MELK: variants seen among roughly 807,000 people sequenced by gnomAD.
MELK encodes the protein pEg3 kinase.
A neutral mutation model predicts 85.0 loss-of-function variants in MELK; 81 were observed. That is an observed-to-expected ratio of 0.95 (90% CI 0.80 to 1.15). The LOEUF is 1.15. Ranked by LOEUF, MELK falls within the 50% of genes most tolerant of loss-of-function variation. The pLI is 0.00. For synonymous variants in MELK, 252 were observed against 265.0 expected (o/e 0.95, Z 0.48); for missense variants, 754 against 777.5 (o/e 0.97, Z 0.36).
At chr9:36,644,212 TGTGTG>T (rs1830025769) in intron 11 of MELK, among the ~76,000 whole-genome samples, 8 of 1,978 alleles carry the variant, frequency 4.0e-3, no homozygotes, top group East Asian at 0.17. Context: ...CTGTGTTTTG[TGTGTG>T]TGTGTGTGTG....
In MELK at chr9:36,625,881, G is replaced by A. The variant is rs767272873; in HGVS notation, c.667-4418G>A. On this transcript the variant is annotated intron_variant, in intron 8 of 17. Transcript: ENST00000298048. ...GGTTGCAGTGAGCGAAGATTGTGCC[G>A]TGAGACTTCATCTCAAAAAAAAAAA... Among the ~76,000 whole-genome samples the A allele has an allele frequency of 7.4e-5, 11 of 149,530 alleles. No homozygotes were observed. In the East Asian group the frequency reaches 7.8e-4, roughly 11 times the overall value.
At chr9:36,645,527 T>G (rs1175059754) in intron 11 of MELK, among the ~76,000 whole-genome samples, 1 of 152,130 alleles carries the variant, frequency 6.6e-6, no homozygotes, top group Admixed American at 6.6e-5. Flanking sequence ...AAAGTAATAG[T>G]TTTTCTTCCT....
chr9:36,652,042 A>ATTTTTTTTTTTTTTT (rs11465173), intron 12 of MELK, among the ~76,000 whole-genome samples, 165 bp downstream of exon 12: 1 of 91,392 alleles, frequency 1.1e-5, no homozygotes, highest in Admixed American at 1.5e-4. Context: ...TTGAACTCTA[A>ATTTTTTTTTTTTTTT]TTTTTTTTTT....
chr9:36,645,308 A>G (rs1230582191), intron 11 of MELK, among the ~76,000 whole-genome samples: 3 of 151,850 alleles, frequency 2.0e-5, no homozygotes, highest in Non-Finnish European at 4.4e-5. Flanking sequence ...AATCATTGAA[A>G]AAGTCTTTAA....
At chr9:36,673,293 C>A (rs79339189) in intron 16 of MELK, among the ~76,000 whole-genome samples, 1 of 152,124 alleles carries the variant, frequency 6.6e-6, no homozygotes. Context: ...CTCAGTTTCA[C>A]GACATTTGCT....
chr9:36,580,791 C>T (rs1385458274), intron 1 of MELK, among the ~76,000 whole-genome samples: 6 of 150,660 alleles, frequency 4.0e-5, no homozygotes, highest in South Asian at 2.1e-4. Flanking sequence ...TGCAATGGCA[C>T]GATGTCGGCT....
At chr9:36,575,065 G>A (rs942044468) in intron 1 of MELK, among the ~76,000 whole-genome samples, 4 of 152,148 alleles carry the variant, frequency 2.6e-5, no homozygotes, top group East Asian at 1.9e-4. Flanking sequence ...CTCAGAGGGC[G>A]GAGGTTGCAG....
At chr9:36,576,044 C>T (rs1182982612) in intron 1 of MELK, among the ~76,000 whole-genome samples, 1 of 152,184 alleles carries the variant, frequency 6.6e-6, no homozygotes, top group Non-Finnish European at 1.5e-5. Context: ...TTTATCCCCA[C>T]ATTTGCCCCA....
intron 7 of MELK, among the ~76,000 whole-genome samples, chr9:36,602,822 G>T (rs34788067): frequency 1.3e-5 from 2 of 152,114 alleles, no homozygotes; most frequent in Non-Finnish European, 2.9e-5. Flanking sequence ...GCCTACCAAA[G>T]TGTTGGGATT....
chr9:36,659,112 A>G (rs900476848), intron 13 of MELK, among the ~76,000 whole-genome samples: 1 of 151,784 alleles, frequency 6.6e-6, no homozygotes, highest in Admixed American at 6.6e-5. Flanking sequence ...CGATCTCCTG[A>G]CCTTGTGATC....
intron 5 of MELK, 27 bp downstream of exon 5, chr9:36,594,798 C>G: frequency 6.3e-7 from 1 of 1,599,578 alleles, no homozygotes; most frequent in Non-Finnish European, 8.5e-7. Context: ...CAGTTAGATG[C>G]TCACCTTCAG....
intron 11 of MELK, among the ~76,000 whole-genome samples, chr9:36,647,470 T>C (rs1349377036): frequency 6.6e-6 from 1 of 151,644 alleles, no homozygotes; most frequent in Non-Finnish European, 1.5e-5. Flanking sequence ...ATGAAGCCTC[T>C]TCTTTTCTTT....
At chr9:36,656,792 A>G (rs1831295827) in intron 12 of MELK, among the ~76,000 whole-genome samples, 1 of 151,900 alleles carries the variant, frequency 6.6e-6, no homozygotes, top group Non-Finnish European at 1.5e-5. Flanking sequence ...GCTAATTTCT[A>G]TTTTTTGTAG....
chr9:36,608,175 G>A (rs1273941401), intron 8 of MELK, among the ~76,000 whole-genome samples: 4 of 150,650 alleles, frequency 2.7e-5, no homozygotes, highest in Non-Finnish European at 5.9e-5. Flanking sequence ...AGCTACTCGG[G>A]AGGCTGAGGC....
chr9:36,614,445 A>ATTTTTT (rs1564162098), intron 8 of MELK, among the ~76,000 whole-genome samples: 3 of 88,932 alleles, frequency 3.4e-5, no homozygotes, highest in African/African-American at 1.5e-4. Flanking sequence ...TTTTTTTTTA[A>ATTTTTT]TTTATTTTTT....
At position 36,593,923 on chromosome 9, in the gene MELK, C is replaced by T. The variant is rs547647512; in HGVS notation, c.262-705C>T. Among the ~76,000 whole-genome samples, 176 of 152,272 alleles carry T rather than the reference C, an allele frequency of 1.2e-3. 3 individuals carry two copies. The highest frequency in any genetic ancestry group is 4.1e-3 in the African/African-American group (171 of 41,560). Reference sequence around the variant, plus strand: ...TCTCGAACTCCTGATCCACCCACCTCGGCCTCCCAAAGTGCTGGGATTACA... The same window carrying T: ...TCTCGAACTCCTGATCCACCCACCTTGGCCTCCCAAAGTGCTGGGATTACA... On this transcript the variant is annotated intron_variant, in intron 4 of 17. Coordinates refer to ENST00000298048, the MANE Select transcript of MELK (RefSeq NM_014791.4).
At chr9:36,588,992 T>C (rs1473095915) in intron 3 of MELK, among the ~76,000 whole-genome samples, 1 of 152,054 alleles carries the variant, frequency 6.6e-6, no homozygotes, top group Non-Finnish European at 1.5e-5. Context: ...TTCTAAGGAG[T>C]CTGAGATTGT....
At chr9:36,587,483 AT>A (rs1823037824) in intron 3 of MELK, among the ~76,000 whole-genome samples, 1 of 150,422 alleles carries the variant, frequency 6.6e-6, no homozygotes, top group East Asian at 2.0e-4. Context: ...TGCCTGGCTA[AT>A]TTTTGTATTT....
chr9:36,589,751 G>A, intron 4 of MELK, 99 bp downstream of exon 4: 1 of 832,742 alleles, frequency 1.2e-6, no homozygotes, highest in Non-Finnish European at 2.0e-6. Flanking sequence ...GAGATGTTAA[G>A]CGACTTACCT....
Sources: allele counts gnomAD v4.1 joint callset (sites outside exome capture counted in the v4.1 genomes callset), GRCh38; gene constraint gnomAD v4.1.1; transcripts MANE v1.5; gene names NCBI Gene and HGNC (gene_info 2026-07-23, HGNC 2026-07-21).